OPCML: variants seen among roughly 807,000 people sequenced by gnomAD.
OPCML encodes opioid-binding protein/cell adhesion molecule.
Under a neutral mutation model 37.8 loss-of-function variants are expected in OPCML, and 13 were observed. That is an observed-to-expected ratio of 0.34 (90% CI 0.22 to 0.55). The LOEUF (loss-of-function observed/expected upper bound fraction) is 0.55, where lower values mean the gene tolerates loss of function less well. Among genes scored for constraint, OPCML ranks in the 20% least tolerant of loss-of-function variants. OPCML has a pLI of 0.91. For missense variants in OPCML, 341 were observed against 435.6 expected (o/e 0.78, Z 1.93); for synonymous variants, 176 against 168.8 (o/e 1.04, Z -0.33).
intron 2 of OPCML, among the ~76,000 whole-genome samples, chr11:132,693,426 TCAAA>T (rs1163880533): frequency 1.3e-5 from 2 of 152,192 alleles, no homozygotes; most frequent in African/African-American, 4.8e-5. Flanking sequence ...CTAAGTGATT[TCAAA>T]CAAATTGTAC....
chr11:133,063,240 G>A (rs957756594), intron 1 of OPCML, among the ~76,000 whole-genome samples: 1 of 152,172 alleles, frequency 6.6e-6, no homozygotes, highest in Non-Finnish European at 1.5e-5. Flanking sequence ...ATACAACGGC[G>A]GAGAGAAGCA....
chr11:132,574,153 T>C (rs2096444507), intron 3 of OPCML, among the ~76,000 whole-genome samples: 1 of 151,762 alleles, frequency 6.6e-6, no homozygotes, highest in Non-Finnish European at 1.5e-5. Flanking sequence ...TTTGTTAATT[T>C]TGGTTATCTT....
At chr11:133,443,167 T>C (rs1333204214) in intron 1 of OPCML, among the ~76,000 whole-genome samples, 2 of 152,188 alleles carry the variant, frequency 1.3e-5, no homozygotes, top group Non-Finnish European at 2.9e-5. Context: ...TTCAGGGTCA[T>C]GGCAGGGATA....
intron 2 of OPCML, among the ~76,000 whole-genome samples, chr11:132,831,093 G>A (rs186063598): frequency 8.8e-4 from 133 of 151,472 alleles, no homozygotes; most frequent in African/African-American, 3.1e-3. Flanking sequence ...TCACTGACTC[G>A]TATATCCCAG....
At chr11:132,509,482 A>G (rs1016015488) in intron 4 of OPCML, among the ~76,000 whole-genome samples, 1 of 152,166 alleles carries the variant, frequency 6.6e-6, no homozygotes, top group Non-Finnish European at 1.5e-5. Context: ...AGCCCCTCCC[A>G]TCACAGGCTC....
chr11:133,225,776 C>A (rs1476124346), intron 1 of OPCML, among the ~76,000 whole-genome samples: 1 of 152,144 alleles, frequency 6.6e-6, no homozygotes, highest in Admixed American at 6.5e-5. Context: ...TAAGTTATGG[C>A]AAACTGGATT....
chr11:133,141,056 A>G (rs371945200), intron 1 of OPCML, among the ~76,000 whole-genome samples: 1 of 41,766 alleles, frequency 2.4e-5, no homozygotes, highest in African/African-American at 4.7e-5. Context: ...GACGAAGAAG[A>G]AGAAGAAGAA....
In OPCML at chr11:132,437,633, T is replaced by C. The variant is rs548013366; in HGVS notation, c.506-274A>G. On this transcript the variant is annotated intron_variant, in intron 4 of 7. Coordinates refer to ENST00000524381, the MANE Select transcript of OPCML (RefSeq NM_001012393.5). ...AGAACATGTCATTATTTTTCTTATA[T>C]GATTATTGTGATAATTAACTCAGAG... 5.3e-5 allele frequency among the ~76,000 whole-genome samples: 8 copies of C among 152,364 alleles called. No homozygotes were observed. In the South Asian group the frequency reaches 1.7e-3, roughly 32 times the overall value.
chr11:133,467,428 A>C lies in OPCML; in HGVS notation c.61+64836T>G, dbSNP rs185021598. Reference sequence around the variant, plus strand: ...TCTCAAAAAAGTCCTCAAGCAAGTCAAATGAAAATAAATTGCATGTGTTTG... The same window carrying C: ...TCTCAAAAAAGTCCTCAAGCAAGTCCAATGAAAATAAATTGCATGTGTTTG... On this transcript the variant is annotated intron_variant, in intron 1 of 7. Transcript: ENST00000524381. 1.9e-3 allele frequency among the ~76,000 whole-genome samples: 296 copies of C among 152,366 alleles called. 3 individuals carry two copies. Among genetic ancestry groups the C allele is most frequent in the Middle Eastern group, 6.8e-3 (2 of 294 alleles).
At chr11:133,289,969 C>A (rs964197432) in intron 1 of OPCML, among the ~76,000 whole-genome samples, 7 of 152,164 alleles carry the variant, frequency 4.6e-5, no homozygotes, top group African/African-American at 1.2e-4. Flanking sequence ...AACTGAGGAA[C>A]CTTGGAAGAA....
At chr11:133,003,917 C>T in intron 1 of OPCML, 2 of 985,436 alleles carry the variant, frequency 2.0e-6, no homozygotes, top group Non-Finnish European at 2.4e-6. Flanking sequence ...CCCGGTGGGG[C>T]TTCTGGTCAC....
At chr11:132,907,683 T>G (rs1199307079) in intron 2 of OPCML, among the ~76,000 whole-genome samples, 2 of 152,014 alleles carry the variant, frequency 1.3e-5, no homozygotes, top group Non-Finnish European at 2.9e-5. Context: ...CATGTAAATG[T>G]GACTCCATCA....
intron 4 of OPCML, among the ~76,000 whole-genome samples, chr11:132,512,618 A>AT (rs1184083651): frequency 1.3e-5 from 2 of 151,934 alleles, no homozygotes; most frequent in Non-Finnish European, 2.9e-5. Context: ...AAGATTTTAC[A>AT]TTTTTTTCAG....
At chr11:133,308,398 A>C (rs1342999494) in intron 1 of OPCML, among the ~76,000 whole-genome samples, 3 of 152,214 alleles carry the variant, frequency 2.0e-5, no homozygotes, top group Non-Finnish European at 2.9e-5. Context: ...AATTATAGAT[A>C]ATCAATGCCA....
At chr11:132,776,537 C>A (rs1312633410) in intron 2 of OPCML, among the ~76,000 whole-genome samples, 7 of 151,964 alleles carry the variant, frequency 4.6e-5, no homozygotes, top group Admixed American at 3.3e-4. Flanking sequence ...TCAGTTCATG[C>A]AAGATCTGTT....
intron 2 of OPCML, among the ~76,000 whole-genome samples, chr11:132,788,069 T>C (rs1947283967): frequency 6.6e-6 from 1 of 152,072 alleles, no homozygotes; most frequent in Non-Finnish European, 1.5e-5. Flanking sequence ...TTAGTAGAGA[T>C]GGGGTTTCAC....
intron 1 of OPCML, among the ~76,000 whole-genome samples, chr11:132,949,271 C>T (rs7111885): frequency 0.63 from 96,334 of 152,128 alleles, 30,812 homozygotes; most frequent in East Asian, 0.71. Flanking sequence ...TTAAGTAAGA[C>T]TGTAGGCCTA....
intron 1 of OPCML, among the ~76,000 whole-genome samples, chr11:133,472,908 C>T (rs1254985874): frequency 6.6e-6 from 1 of 152,004 alleles, no homozygotes; most frequent in Non-Finnish European, 1.5e-5. Flanking sequence ...CAGTCCTGTC[C>T]CAGCCCTCCA....
At chr11:133,430,461 A>G (rs1305568676) in intron 1 of OPCML, among the ~76,000 whole-genome samples, 1 of 152,224 alleles carries the variant, frequency 6.6e-6, no homozygotes, top group East Asian at 1.9e-4. Context: ...AAATAATAAA[A>G]TATTAAAACA....
Sources: gnomAD v4.1 joint callset for allele counts (sites outside exome capture counted in the v4.1 genomes callset) on GRCh38, gnomAD v4.1.1 for gene constraint, MANE v1.5 for transcripts, NCBI Gene and HGNC (gene_info 2026-07-23, HGNC 2026-07-21) for gene names.